Variants in SEPTIN10 observed in about 807,000 individuals in gnomAD.
SEPTIN10 encodes septin-10.
A neutral mutation model predicts 54.8 loss-of-function variants in SEPTIN10; 66 were observed. The ratio of observed to expected loss-of-function variants is 1.21; its 90% confidence interval spans 0.99 to 1.48. The LOEUF is 1.48. Among genes scored for constraint, SEPTIN10 ranks in the 40% most tolerant of loss-of-function variants. SEPTIN10 has a pLI of 0.00. For missense variants in SEPTIN10, 620 were observed against 545.6 expected, an observed-to-expected ratio of 1.14 and a Z score of -1.36; for synonymous variants, 161 against 181.0, an observed-to-expected ratio of 0.89 and a Z score of 0.89.
At chr2:109,578,888 C>A (rs913036129) in intron 4 of SEPTIN10, among the ~76,000 whole-genome samples, 4 of 151,894 alleles carry the variant, frequency 2.6e-5, no homozygotes, top group African/African-American at 9.7e-5. Context: ...GGCTGAAAAT[C>A]AATGAGAAAT....
intron 10 of SEPTIN10, chr2:109,545,388 A>C: frequency 6.5e-7 from 1 of 1,532,514 alleles, no homozygotes; most frequent in Non-Finnish European, 8.7e-7. Flanking sequence ...CACATACCCC[A>C]AACCTACACG....
At position 109,613,908 on chromosome 2, in the gene SEPTIN10, C is replaced by G. The variant is rs1449089821; in HGVS notation, c.-81G>C. The G allele has an allele frequency of 4.2e-6, 5 of 1,193,786 alleles. No individual in the cohort carries two copies. The highest frequency in any genetic ancestry group is 8.9e-5 in the Admixed American group (2 of 22,364). 73.9% of individuals were successfully genotyped at this position (1,193,786 alleles called of 1,614,324 possible). A position where few individuals can be genotyped will look rare whatever the true frequency, so the allele number is the denominator to read the frequency against. On this transcript the variant is annotated 5_prime_UTR_variant, in exon 1 of 11. Coordinates refer to ENST00000397712, the MANE Select transcript of SEPTIN10 (RefSeq NM_144710.5). ...GTCCCGGCGACGGCGGCGGGAAGGCCGGAGGGCAGAAGCAACGGGCGGGGC... is the reference window on the plus strand; with the variant it reads ...GTCCCGGCGACGGCGGCGGGAAGGCGGGAGGGCAGAAGCAACGGGCGGGGC...
Position 109,564,372 on chromosome 2 carries a change from G to A in SEPTIN10, c.1022C>T (p.Pro341Leu), listed in dbSNP as rs368794598. Residue 341 changes from proline (P) to leucine (L), a missense_variant, in exon 8 of 11, where the codon CCA becomes CTA. Physicochemically the swap from Pro to Leu is moderately conservative, Grantham distance 98. Coordinates refer to ENST00000397712, the MANE Select transcript of SEPTIN10 (RefSeq NM_144710.5). ...CCCAAGAACCCCACCCTACCTGACT[G>A]GCTTGTTTTCTGGGCCCACATCTGT... ...GFTDVGPENK[P>L]VSVQETYEAK... 4 of 1,559,250 alleles carry A rather than the reference G, an allele frequency of 2.6e-6. No homozygotes were observed. Among genetic ancestry groups the A allele is most frequent in the Non-Finnish European group, 3.5e-6 (4 of 1,149,430 alleles).
At chr2:109,572,682 T>C (rs1482147473) in intron 5 of SEPTIN10, among the ~76,000 whole-genome samples, 1 of 143,406 alleles carries the variant, frequency 7.0e-6, no homozygotes, top group African/African-American at 2.6e-5. Context: ...AGTGGTGCAA[T>C]CTCGGATTAC....
intron 9 of SEPTIN10, among the ~76,000 whole-genome samples, chr2:109,551,683 A>G (rs764165330): frequency 2.0e-4 from 30 of 152,236 alleles, no homozygotes. Context: ...CATTATAAAT[A>G]AATTAGTAAA....
At position 109,583,451 on chromosome 2, in the gene SEPTIN10, A is replaced by G. The variant is rs191114104; in HGVS notation, c.413+1675T>C. On this transcript the variant is annotated intron_variant, in intron 4 of 10. Coordinates refer to ENST00000397712, the MANE Select transcript of SEPTIN10 (RefSeq NM_144710.5). ...AACCACAATGAGATACCATCTCACA[A>G]CAGTCAGAATGGCTATTATTAAAAA... 7.2e-5 allele frequency among the ~76,000 whole-genome samples: 11 copies of G among 152,282 alleles called. No homozygotes were observed. The East Asian group carries it at 1.9e-3, about 27-fold the overall frequency.
At chr2:109,601,065 T>C (rs1193466116) in intron 1 of SEPTIN10, among the ~76,000 whole-genome samples, 2 of 152,236 alleles carry the variant, frequency 1.3e-5, no homozygotes, top group Non-Finnish European at 2.9e-5. Context: ...GCAAGCTCTC[T>C]GAACCCAGTC....
In SEPTIN10 at chr2:109,556,198, G is replaced by A. The variant is rs181347473; in HGVS notation, c.1029-2979C>T. 6.6e-5 allele frequency among the ~76,000 whole-genome samples: 10 copies of A among 152,230 alleles called. 1 individual carries two copies. Among genetic ancestry groups the A allele is most frequent in the Middle Eastern group, 6.8e-3 (2 of 294 alleles). The stretch of plus-strand genomic sequence containing the variant: ...GCCCTTTCCTATGTGTAGAATTTTG[G>A]AGGTATAATAAGCCTTCTTATATGT... On this transcript the variant is annotated intron_variant, in intron 8 of 10. Coordinates refer to ENST00000397712, the MANE Select transcript of SEPTIN10 (RefSeq NM_144710.5).
intron 8 of SEPTIN10, among the ~76,000 whole-genome samples, chr2:109,561,498 C>G (rs960911172): frequency 2.6e-5 from 4 of 152,056 alleles, no homozygotes; most frequent in Admixed American, 1.3e-4. Context: ...TTTAGCAGAG[C>G]CTTTTAAAAA....
chr2:109,583,175 TTAAAC>T (rs150652612), intron 4 of SEPTIN10, among the ~76,000 whole-genome samples: 2,717 of 152,210 alleles, frequency 0.018, 73 homozygotes, highest in African/African-American at 0.061. Context: ...AAATTGCCAA[TTAAAC>T]TAAAGAGCTT....
rs141059061 is a variant in SEPTIN10 at position 109,579,204 on chromosome 2, T to A, written c.414-4437A>T. ...TGAAATGGACAGATTCCTGGAAAAT[T>A]ATAACTTACAAAACTGTCTCTCAAC... On this transcript the variant is annotated intron_variant, in intron 4 of 10. Transcript: ENST00000397712. 2.0e-5 allele frequency among the ~76,000 whole-genome samples: 3 copies of A among 152,254 alleles called. No homozygotes were observed. In the East Asian group the frequency reaches 5.8e-4, roughly 29 times the overall value.
chr2:109,571,387 A>C (rs1200336376), intron 5 of SEPTIN10, among the ~76,000 whole-genome samples: 4 of 152,222 alleles, frequency 2.6e-5, no homozygotes. Flanking sequence ...TGGATGTTAT[A>C]GCCTATGACA....
At chr2:109,573,320 T>C (rs1380449889) in intron 5 of SEPTIN10, among the ~76,000 whole-genome samples, 4 of 152,202 alleles carry the variant, frequency 2.6e-5, no homozygotes, top group Non-Finnish European at 5.9e-5. Flanking sequence ...CAAATCTTTA[T>C]ACAAATTACC....
chr2:109,612,679 C>A (rs7572991), intron 1 of SEPTIN10, among the ~76,000 whole-genome samples: 32,945 of 152,142 alleles, frequency 0.22, 3,626 homozygotes, highest in South Asian at 0.26. Flanking sequence ...ATTTATAAAA[C>A]ACATTTTCCT....
At position 109,544,049 on chromosome 2, in the gene SEPTIN10, G is replaced by T. The variant is rs1680536650; in HGVS notation, c.*260C>A. On this transcript the variant is annotated 3_prime_UTR_variant, in exon 11 of 11. Coordinates refer to ENST00000397712, the MANE Select transcript of SEPTIN10 (RefSeq NM_144710.5). ...ATTTTCCACTTGTGGGGTCAAGTCA[G>T]TGCTCAAAAAGATTCAGATTTTGAA... 2 of 1,098,856 alleles carry T rather than the reference G, an allele frequency of 1.8e-6. No individual in the cohort carries two copies. Among genetic ancestry groups the T allele is most frequent in the African/African-American group, 1.6e-5 (1 of 62,906 alleles). 68.1% of individuals were successfully genotyped at this position (1,098,856 alleles called of 1,614,324 possible).
intron 5 of SEPTIN10, among the ~76,000 whole-genome samples, chr2:109,573,425 T>C (rs920520144): frequency 2.6e-5 from 4 of 152,238 alleles, no homozygotes; most frequent in African/African-American, 9.6e-5. Context: ...GACTCAACTA[T>C]GAAAACAACT....
intron 5 of SEPTIN10, among the ~76,000 whole-genome samples, chr2:109,570,924 G>A (rs1464858863): frequency 6.6e-6 from 1 of 152,184 alleles, no homozygotes; most frequent in Non-Finnish European, 1.5e-5. Flanking sequence ...TGGCGACATG[G>A]TTTGGATTTG....
At chr2:109,544,631 G>GT (rs1252910467) in intron 10 of SEPTIN10, 6 of 933,798 alleles carry the variant, frequency 6.4e-6, no homozygotes, top group Non-Finnish European at 7.7e-6. Flanking sequence ...TCTAATTTTA[G>GT]TAACACTGGG....
chr2:109,545,529 G>A (rs909129768), intron 10 of SEPTIN10: 27 of 1,535,800 alleles, frequency 1.8e-5, no homozygotes, highest in Admixed American at 1.2e-4. Flanking sequence ...AGTTCGAATC[G>A]ACAGCCTGGT....
Sources: gnomAD v4.1 joint callset for allele counts (sites outside exome capture counted in the v4.1 genomes callset) on GRCh38, gnomAD v4.1.1 for gene constraint, MANE v1.5 for transcripts, NCBI Gene and HGNC (gene_info 2026-07-23, HGNC 2026-07-21) for gene names.